The following RAD52 variants were observed in gnomAD, a reference collection of about 807,000 sequenced individuals.
RAD52 encodes DNA repair protein RAD52 homolog.
RAD52 carries 47 observed loss-of-function variants against 55.5 expected under a neutral mutation model. That is an observed-to-expected ratio of 0.85 (90% CI 0.67 to 1.08). RAD52 has a LOEUF of 1.08. RAD52 is among the 50% of genes least tolerant of loss of function. The pLI is 0.00. For missense variants in RAD52, 468 were observed against 522.8 expected, an observed-to-expected ratio of 0.90 and a Z score of 1.02; for synonymous variants, 184 against 198.9, an observed-to-expected ratio of 0.92 and a Z score of 0.63.
chr12:944,142 G>A (rs1010222516), intron 1 of RAD52, among the ~76,000 whole-genome samples: 5 of 152,114 alleles, frequency 3.3e-5, no homozygotes, highest in Non-Finnish European at 7.4e-5. Context: ...CTTCAGCCTG[G>A]AAGGTAGAGG....
At chr12:916,932 A>G in intron 7 of RAD52, 112 bp from the exon 8 acceptor site, 1 of 1,427,690 alleles carries the variant, frequency 7.0e-7, no homozygotes, top group Non-Finnish European at 9.4e-7. Context: ...TCCTCCATCC[A>G]TCACGCCTTC....
At chr12:959,033 C>T (rs1015574481) in intron 1 of RAD52, among the ~76,000 whole-genome samples, 12 of 152,058 alleles carry the variant, frequency 7.9e-5, no homozygotes, top group African/African-American at 2.9e-4. Context: ...CTCCGCCCAC[C>T]AGAGAAAGGT....
chr12:951,535 CTG>C (rs1958528134), upstream of RAD52, among the ~76,000 whole-genome samples: 1 of 152,198 alleles, frequency 6.6e-6, no homozygotes, highest in East Asian at 1.9e-4. Context: ...TTCTCTCACT[CTG>C]TTGTTTTCTT....
chr12:917,930 A>ACTC (rs1388742607), intron 7 of RAD52, among the ~76,000 whole-genome samples: 3 of 152,166 alleles, frequency 2.0e-5, no homozygotes, highest in African/African-American at 7.2e-5. Context: ...ACAGAGCAAG[A>ACTC]CTGTGTCTCA....
At chr12:932,833 C>T (rs535545716) in intron 2 of RAD52, 142 bp downstream of exon 2, 2 of 645,300 alleles carry the variant, frequency 3.1e-6, no homozygotes, top group Admixed American at 2.4e-5. Flanking sequence ...ACTAGGTAAA[C>T]GTACTAGGTA....
chr12:937,935 A>AC (rs1322057501), intron 1 of RAD52, among the ~76,000 whole-genome samples: 2 of 151,994 alleles, frequency 1.3e-5, no homozygotes, highest in African/African-American at 4.8e-5. Flanking sequence ...TAAATTTCTG[A>AC]CCCCTCTGTG....
rs755614266 is a variant in RAD52, at chr12:916,785, T to A, written c.579A>T (p.Arg193Ser). ...CCTCCACAGACGGTTCAAGATCTTG[T>A]CTCTTCGCTTTAGTTAAATCCACTT... ...PLEVDLTKAK[R>S]QDLEPSVEEA... The change falls in exon 8 of 12, where the codon AGA (arginine) becomes AGT (serine). Residue 193 changes from arginine to serine, a missense_variant. Coordinates refer to ENST00000358495, the MANE Select transcript of RAD52 (RefSeq NM_134424.4). 5.7e-5 allele frequency: 92 copies of A among 1,612,658 alleles called. No individual in the cohort carries two copies. The highest frequency in any genetic ancestry group is 7.3e-5 in the Non-Finnish European group (86 of 1,178,912).
Position 912,527 on chromosome 12 carries a change from A to AGTC in RAD52, c.*863_*864insGAC, listed in dbSNP as rs1555167324. On this transcript the variant is annotated 3_prime_UTR_variant, in exon 12 of 12. Coordinates refer to ENST00000358495, the MANE Select transcript of RAD52 (RefSeq NM_134424.4). ...CATTTCAGATAAGCAATATATATAT[A>AGTC]TTCTATTTTGTTAATAAGGTATACG... is the stretch of plus-strand genomic sequence containing the variant. 4.9e-5 allele frequency: 9 copies of AGTC among 184,190 alleles called. No individual in the cohort carries two copies. The highest frequency in any genetic ancestry group is 2.5e-4 in the Admixed American group (4 of 16,016). The allele number at this position is 184,190 out of a possible 1,614,324, so 11.4% of individuals were successfully genotyped here.
intron 1 of RAD52, among the ~76,000 whole-genome samples, chr12:961,139 C>T (rs909641444): frequency 6.6e-6 from 1 of 151,220 alleles, no homozygotes; most frequent in African/African-American, 2.4e-5. Context: ...TATGGTGAAA[C>T]CCCGTACTAA....
At chr12:978,315 A>C (rs1958961536) in intron 1 of RAD52, among the ~76,000 whole-genome samples, 1 of 151,736 alleles carries the variant, frequency 6.6e-6, no homozygotes, top group Non-Finnish European at 1.5e-5. Context: ...GGCCTCCCAC[A>C]GTGCTGGGAT....
chr12:927,013 G>A, intron 6 of RAD52, 132 bp downstream of exon 6: 1 of 1,545,056 alleles, frequency 6.5e-7, no homozygotes, highest in Non-Finnish European at 8.8e-7. Flanking sequence ...CCAGGGCAGG[G>A]GTGAGAATTA....
At chr12:984,831 A>AT (rs1463470795) in intron 1 of RAD52, among the ~76,000 whole-genome samples, 3 of 152,202 alleles carry the variant, frequency 2.0e-5, no homozygotes, top group African/African-American at 2.4e-5. Flanking sequence ...TGCCCGGCTA[A>AT]TTTTTTGTAT....
In RAD52 at chr12:929,870, G is replaced by C; in HGVS notation, c.297C>G (p.Asn99Lys). The C allele has an allele frequency of 6.2e-7, 1 of 1,613,982 alleles. No individual in the cohort carries two copies. The highest frequency in any genetic ancestry group is 1.1e-5 in the South Asian group (1 of 91,082). The change falls in exon 5 of 12, where the codon AAC becomes AAG. Residue 99 changes from asparagine to lysine, a missense_variant. Physicochemically the swap from Asn to Lys is moderately conservative, Grantham distance 94. Coordinates refer to ENST00000358495, the MANE Select transcript of RAD52 (RefSeq NM_134424.4). ...AGACTCCCACGTAGAACTTGCCATTGTTGAGGTCAACAAAATCTAGGAGTG... is the reference window on the plus strand; with the variant it reads ...AGACTCCCACGTAGAACTTGCCATTCTTGAGGTCAACAAAATCTAGGAGTG... ...TQQNVDFVDL[N>K]NGKFYVGVCA... is the part of the protein sequence containing the mutation.
At chr12:948,527 T>A (rs528872621) in intron 1 of RAD52, among the ~76,000 whole-genome samples, 28 of 152,140 alleles carry the variant, frequency 1.8e-4, no homozygotes, top group African/African-American at 6.7e-4. Context: ...GGTGTGGTGG[T>A]ATGCGCCTGT....
chr12:980,165 G>T (rs1333248760), intron 1 of RAD52, among the ~76,000 whole-genome samples: 2 of 151,952 alleles, frequency 1.3e-5, no homozygotes, highest in East Asian at 3.9e-4. Context: ...ACTCCAGCCT[G>T]GGCGACAGAG....
intron 7 of RAD52, among the ~76,000 whole-genome samples, chr12:919,361 G>A (rs985546549): frequency 6.6e-6 from 1 of 152,066 alleles, no homozygotes; most frequent in Non-Finnish European, 1.5e-5. Context: ...CTGGAGAATC[G>A]CTTGAACCCA....
intron 5 of RAD52, chr12:929,587 T>C: frequency 1.4e-6 from 1 of 728,138 alleles, no homozygotes. Flanking sequence ...ACAATTTTTA[T>C]ATATGGTGAA....
chr12:979,104 T>C (rs890451691), intron 1 of RAD52, among the ~76,000 whole-genome samples: 17 of 152,132 alleles, frequency 1.1e-4, no homozygotes, highest in African/African-American at 3.4e-4. Context: ...TAACCCCCAA[T>C]GTGCCTGTAT....
At chr12:968,301 C>T (rs745738399) in intron 1 of RAD52, among the ~76,000 whole-genome samples, 21 of 151,998 alleles carry the variant, frequency 1.4e-4, no homozygotes, top group Non-Finnish European at 5.9e-5. Flanking sequence ...TATTTCCATC[C>T]CCCTTTCTCC....
Sources: gnomAD v4.1 joint callset for allele counts (sites outside exome capture counted in the v4.1 genomes callset) on GRCh38, gnomAD v4.1.1 for gene constraint, MANE v1.5 for transcripts, NCBI Gene and HGNC (gene_info 2026-07-23, HGNC 2026-07-21) for gene names.